Variants in RNF212 observed in about 807,000 individuals in gnomAD.
The protein encoded by RNF212 is probable E3 SUMO-protein ligase RNF212.
RNF212 carries 33 observed loss-of-function variants against 34.7 expected under a neutral mutation model. The ratio of observed to expected loss-of-function variants is 0.95; its 90% CI spans 0.72 to 1.27. The LOEUF (loss-of-function observed/expected upper bound fraction) is 1.27, where lower values mean the gene tolerates loss of function less well. Ranked by LOEUF, RNF212 falls within the 50% of genes most tolerant of loss-of-function variation. The probability of loss-of-function intolerance (pLI) is 0.00; values close to 1 mark genes in which losing one functional copy is unlikely to be tolerated. For missense variants in RNF212, 377 were observed against 362.2 expected (o/e 1.04, Z -0.33); for synonymous variants, 140 against 136.1 (o/e 1.03, Z -0.20).
At chr4:1,060,729 C>T (rs1019806667) in intron 3 of RNF212, among the ~76,000 whole-genome samples, 2 of 152,270 alleles carry the variant, frequency 1.3e-5, no homozygotes, top group Admixed American at 6.5e-5. Flanking sequence ...ATGCCAGATC[C>T]ACTGTGCTGT....
downstream of RNF212, among the ~76,000 whole-genome samples, chr4:1,068,059 A>T (rs1318423501): frequency 2.0e-5 from 3 of 152,176 alleles, no homozygotes; most frequent in African/African-American, 7.2e-5. Context: ...CGATGTAGAG[A>T]TTCAATCAAT....
intron 2 of RNF212, among the ~76,000 whole-genome samples, chr4:1,099,218 C>T (rs1723539354): frequency 6.6e-6 from 1 of 152,216 alleles, no homozygotes. Flanking sequence ...GATGCATTCA[C>T]TTTCAACAAA....
chr4:1,067,238 TG>T (rs1718151999), downstream of RNF212, among the ~76,000 whole-genome samples: 1 of 152,172 alleles, frequency 6.6e-6, no homozygotes, highest in South Asian at 2.1e-4. Flanking sequence ...TATAGCAAAA[TG>T]GTATGATAAA....
chr4:1,078,938 TCAACACAGGAC>T (rs201470853), intron 8 of RNF212, among the ~76,000 whole-genome samples: 22 of 72,670 alleles, frequency 3.0e-4, no homozygotes, highest in South Asian at 1.6e-3. Context: ...CAACACAGGG[TCAACACAGGAC>T]CAACACAGGA....
rs1407816889 is a variant in RNF212 at position 1,113,452 on chromosome 4, C to T, written c.13G>A (p.Val5Met). The T allele has an allele frequency of 6.2e-7, 1 of 1,607,536 alleles. No homozygotes were observed. The highest frequency in any genetic ancestry group is 1.1e-5 in the South Asian group (1 of 90,182). Residue 5 changes from valine (V) to methionine (M), a missense_variant, in exon 1 of 10, where the codon GTG becomes ATG. Val to Met is a conservative substitution (Grantham distance 21, BLOSUM62 1). Coordinates refer to ENST00000433731, the MANE Select transcript of RNF212 (RefSeq NM_001131034.4). MANW[V>M]FCNRCFQPPH... ...GGCTGGAAGCAGCGATTACAGAACA[C>T]CCAGTTGGCCATGCCAGGCGGGCGA...
At chr4:1,085,567 G>A (rs1211511794) in intron 5 of RNF212, 6 of 404,534 alleles carry the variant, frequency 1.5e-5, no homozygotes, top group Admixed American at 1.2e-4. Flanking sequence ...GTCCCTGGCT[G>A]CAGGGCCACC....
chr4:1,108,255 G>A, intron 2 of RNF212, 88 bp downstream of exon 2: 2 of 818,886 alleles, frequency 2.4e-6, no homozygotes, highest in Non-Finnish European at 3.8e-6. Flanking sequence ...GAAAATTTTA[G>A]ACACCACAAA....
intron 3 of RNF212, chr4:1,093,792 G>A: frequency 6.5e-7 from 1 of 1,536,154 alleles, no homozygotes. Flanking sequence ...GGATGGAGCA[G>A]GGTGAGGGGG....
At chr4:1,077,228 T>TCAAA (rs557452872) in intron 8 of RNF212, among the ~76,000 whole-genome samples, 20 of 152,248 alleles carry the variant, frequency 1.3e-4, no homozygotes, top group East Asian at 3.9e-4. Context: ...AGACTCTGTC[T>TCAAA]CAAACAAACA....
intron 4 of RNF212, among the ~76,000 whole-genome samples, chr4:1,057,317 C>T (rs1174318688): frequency 6.6e-6 from 1 of 152,192 alleles, no homozygotes. Context: ...CTCAAGGGCT[C>T]TGGGGGGCTG....
At chr4:1,104,893 G>A (rs1166687003) in intron 2 of RNF212, among the ~76,000 whole-genome samples, 1 of 152,176 alleles carries the variant, frequency 6.6e-6, no homozygotes, top group Non-Finnish European at 1.5e-5. Flanking sequence ...AAGGGAGGAG[G>A]AAGAACACAG....
intron 2 of RNF212, chr4:1,099,665 G>T (rs1165240587): frequency 2.3e-6 from 1 of 442,308 alleles, no homozygotes; most frequent in African/African-American, 2.0e-5. Flanking sequence ...TTAAAAGGGG[G>T]GTGTGTGCGC....
Position 1,112,139 on chromosome 4 carries a change from G to A in RNF212, c.109+1217C>T, listed in dbSNP as rs1280630953. On this transcript the variant is annotated intron_variant, in intron 1 of 9. Transcript: ENST00000433731. ...GGAGAATCACTTGAGCCTGGGAGGC[G>A]GAGGCTGCAGTAAACCGAGATCCCG... Among the ~76,000 whole-genome samples, 5 of 152,284 alleles carry A rather than the reference G, an allele frequency of 3.3e-5. No individual in the cohort carries two copies. The South Asian group carries it at 8.3e-4, about 25-fold the overall frequency.
At chr4:1,083,730 A>T (rs1032876946) in intron 5 of RNF212, among the ~76,000 whole-genome samples, 1 of 152,208 alleles carries the variant, frequency 6.6e-6, no homozygotes, top group South Asian at 2.1e-4. Context: ...GAAGCAACCC[A>T]GCATGTGACC....
At chr4:1,091,234 C>A (rs1215581698) in intron 3 of RNF212, among the ~76,000 whole-genome samples, 1 of 152,184 alleles carries the variant, frequency 6.6e-6, no homozygotes, top group Admixed American at 6.5e-5. Flanking sequence ...TAAGCGAGAC[C>A]CACAGAGCTG....
At chr4:1,101,563 A>T (rs150583906) in intron 2 of RNF212, 1 of 154,968 alleles carries the variant, frequency 6.5e-6, no homozygotes, top group African/African-American at 2.4e-5. Flanking sequence ...GGGGAAGAAA[A>T]AAGCTAATGA....
intron 9 of RNF212, 45 bp downstream of exon 9, chr4:1,073,554 A>C (rs761018193): frequency 7.6e-7 from 1 of 1,322,618 alleles, no homozygotes; most frequent in South Asian, 1.2e-5. Flanking sequence ...AATGCATTTT[A>C]ATCGATGCAT....
At chr4:1,093,193 A>G in intron 3 of RNF212, 1 of 261,376 alleles carries the variant, frequency 3.8e-6, no homozygotes, top group Non-Finnish European at 7.1e-6. Context: ...CTTGGTGCTC[A>G]GAGTTTTGGT....
chr4:1,113,522 G>C lies in RNF212; in HGVS notation c.-58C>G, dbSNP rs1726165861. On this transcript the variant is annotated 5_prime_UTR_variant, in exon 1 of 10. Transcript: ENST00000433731. ...CCCACGCGAAGCCCACGCAAGGTTGGGACCAGCCTCCCCGCGCAGGGCCCG... is the reference window on the plus strand; with the variant it reads ...CCCACGCGAAGCCCACGCAAGGTTGCGACCAGCCTCCCCGCGCAGGGCCCG... 5 of 1,445,496 alleles carry C rather than the reference G, an allele frequency of 3.5e-6. No homozygotes were observed. In the South Asian group the frequency reaches 6.0e-5, roughly 17 times the overall value. The allele number at this position is 1,445,496 out of a possible 1,614,324, so 89.5% of individuals were successfully genotyped here.
Sources: allele counts gnomAD v4.1 joint callset (sites outside exome capture counted in the v4.1 genomes callset), GRCh38; gene constraint gnomAD v4.1.1; transcripts MANE v1.5; gene names NCBI Gene and HGNC (gene_info 2026-07-23, HGNC 2026-07-21).